The following DYM variants were observed in gnomAD, a reference collection of about 807,000 sequenced individuals.
The protein encoded by DYM is dymeclin.
A neutral mutation model predicts 93.1 loss-of-function variants in DYM; 78 were observed. The ratio of observed to expected loss-of-function variants is 0.84; its 90% CI spans 0.70 to 1.01. DYM has a LOEUF of 1.01. Among genes scored for constraint, DYM ranks in the 50% least tolerant of loss-of-function variants. DYM has a pLI of 0.00. For missense variants in DYM, 789 were observed against 845.0 expected, an observed-to-expected ratio of 0.93 and a Z score of 0.82; for synonymous variants, 321 against 319.7, an observed-to-expected ratio of 1.00 and a Z score of -0.04.
intron 11 of DYM, among the ~76,000 whole-genome samples, chr18:49,267,820 C>T (rs1211236991): frequency 6.6e-6 from 1 of 152,188 alleles, no homozygotes; most frequent in Non-Finnish European, 1.5e-5. Flanking sequence ...ATCACTTGAA[C>T]CCACGAGGCG....
At chr18:49,361,133 T>C (rs1213043662) in intron 6 of DYM, among the ~76,000 whole-genome samples, 1 of 152,172 alleles carries the variant, frequency 6.6e-6, no homozygotes, top group African/African-American at 2.4e-5. Flanking sequence ...GGAGTTCTGT[T>C]AGAATGGAAG....
At chr18:49,212,701 T>C (rs547055593) in intron 13 of DYM, among the ~76,000 whole-genome samples, 2 of 152,128 alleles carry the variant, frequency 1.3e-5, no homozygotes, top group African/African-American at 4.8e-5. Context: ...CTCACTATAT[T>C]GCCCAGTCTG....
intron 3 of DYM, among the ~76,000 whole-genome samples, chr18:49,381,956 G>T (rs941541844): frequency 6.6e-6 from 1 of 150,420 alleles, no homozygotes; most frequent in African/African-American, 2.4e-5. Flanking sequence ...ACGCATCTCT[G>T]TGGGACTTAA....
intron 5 of DYM, 24 bp downstream of exon 5, chr18:49,378,542 GA>G (rs745524383): frequency 6.3e-7 from 1 of 1,592,034 alleles, no homozygotes; most frequent in South Asian, 1.1e-5. Flanking sequence ...GATATATCCA[GA>G]ACATCTTTAA....
At chr18:49,449,487 A>G (rs888988370) in intron 1 of DYM, among the ~76,000 whole-genome samples, 5 of 152,178 alleles carry the variant, frequency 3.3e-5, no homozygotes, top group Non-Finnish European at 7.4e-5. Flanking sequence ...ACAGTGTACA[A>G]TGGTTCCTAT....
chr18:49,323,717 T>C (rs1172620931), intron 8 of DYM, among the ~76,000 whole-genome samples: 1 of 152,206 alleles, frequency 6.6e-6, no homozygotes, highest in African/African-American at 2.4e-5. Context: ...GAGAAATACA[T>C]TTCTGTTGTT....
Position 49,048,049 on chromosome 18 carries a change from T to G in DYM, c.2026-3845A>C, listed in dbSNP as rs1408716308. ...GTCAGGTTTAAAGCCTGGGTCTGAC[T>G]GTGTGCAAAGTTAGTTTGAAAAGTG... On this transcript the variant is annotated intron_variant, in intron 17 of 17. Transcript: ENST00000675505. 3 of 152,336 alleles carry G rather than the reference T, an allele frequency of 2.0e-5. No individual in the cohort carries two copies. The East Asian group carries it at 5.8e-4, about 29-fold the overall frequency. 9.4% of individuals were successfully genotyped at this position (152,336 alleles called of 1,614,324 possible).
intron 6 of DYM, among the ~76,000 whole-genome samples, chr18:49,358,491 TG>T (rs1348880118): frequency 1.3e-5 from 2 of 152,280 alleles, no homozygotes; most frequent in East Asian, 3.9e-4. Context: ...ACACACTCCC[TG>T]AAAAAGGCAG....
intron 14 of DYM, 64 bp downstream of exon 14, chr18:49,209,487 A>G (rs1245572742): frequency 9.6e-7 from 1 of 1,041,216 alleles, no homozygotes; most frequent in African/African-American, 1.7e-5. Context: ...TCTTATTAAA[A>G]CATGCAATTG....
chr18:49,318,290 A>C (rs1265213576), intron 8 of DYM, among the ~76,000 whole-genome samples: 1 of 152,220 alleles, frequency 6.6e-6, no homozygotes, highest in Non-Finnish European at 1.5e-5. Flanking sequence ...CTGAGAGAAG[A>C]CAAGAATAGG....
chr18:49,417,345 T>C (rs1411332740), intron 2 of DYM, among the ~76,000 whole-genome samples: 1 of 152,128 alleles, frequency 6.6e-6, no homozygotes, highest in Non-Finnish European at 1.5e-5. Context: ...GATGGGGGTC[T>C]CGCCATGTTG....
intron 13 of DYM, among the ~76,000 whole-genome samples, chr18:49,233,315 A>G (rs959793414): frequency 1.3e-5 from 2 of 151,626 alleles, no homozygotes; most frequent in African/African-American, 2.4e-5. Context: ...GCCGAGATCA[A>G]GCTACTGCAC....
At chr18:49,165,376 C>T (rs1306873493) in intron 14 of DYM, among the ~76,000 whole-genome samples, 1 of 152,092 alleles carries the variant, frequency 6.6e-6, no homozygotes, top group African/African-American at 2.4e-5. Context: ...AATTCTGATT[C>T]CATGTACTTC....
At chr18:49,237,120 A>G (rs111227652) in intron 13 of DYM, among the ~76,000 whole-genome samples, 1 of 152,038 alleles carries the variant, frequency 6.6e-6, no homozygotes, top group African/African-American at 2.4e-5. Flanking sequence ...GACAAGTACT[A>G]AAGGACTGTA....
chr18:49,437,207 G>T (rs1343909266), intron 1 of DYM, among the ~76,000 whole-genome samples: 3 of 152,048 alleles, frequency 2.0e-5, no homozygotes, highest in Non-Finnish European at 4.4e-5. Flanking sequence ...ACAGTTTCTT[G>T]GGCATCATTC....
At chr18:49,076,233 T>C (rs978865670) in intron 17 of DYM, among the ~76,000 whole-genome samples, 2 of 152,240 alleles carry the variant, frequency 1.3e-5, no homozygotes, top group South Asian at 2.1e-4. Context: ...ATAGTAGCAA[T>C]CACAGGAAAA....
At chr18:49,422,504 C>G (rs915659900) in intron 2 of DYM, among the ~76,000 whole-genome samples, 65 of 152,126 alleles carry the variant, frequency 4.3e-4, no homozygotes, top group African/African-American at 1.5e-3. Flanking sequence ...GGCAAAATAA[C>G]CAGCTAACAT....
chr18:49,242,047 C>A (rs2094024066), intron 13 of DYM, among the ~76,000 whole-genome samples: 1 of 152,216 alleles, frequency 6.6e-6, no homozygotes, highest in African/African-American at 2.4e-5. Flanking sequence ...GACAGGCTGC[C>A]TGGAGTTACA....
At chr18:49,052,220 A>C (rs924037821) in intron 17 of DYM, among the ~76,000 whole-genome samples, 1 of 152,224 alleles carries the variant, frequency 6.6e-6, no homozygotes, top group Non-Finnish European at 1.5e-5. Context: ...ATAAATCATA[A>C]AAGAATTTTG....
Sources: gnomAD v4.1 joint callset for allele counts (sites outside exome capture counted in the v4.1 genomes callset) on GRCh38, gnomAD v4.1.1 for gene constraint, MANE v1.5 for transcripts, NCBI Gene and HGNC (gene_info 2026-07-23, HGNC 2026-07-21) for gene names.